AHDC1: variants seen among roughly 807,000 people sequenced by gnomAD.
The protein encoded by AHDC1 is transcription factor Gibbin.
In AHDC1, 7 loss-of-function variants were observed where a neutral mutation model predicts 87.9. The ratio of observed to expected loss-of-function variants is 0.08; its 90% confidence interval spans 0.05 to 0.15. The LOEUF (loss-of-function observed/expected upper bound fraction) is 0.15, where lower values mean the gene tolerates loss of function less well. Ranked by LOEUF, AHDC1 falls within the 10% of genes least tolerant of loss-of-function variation. The pLI, the probability that AHDC1 is intolerant of heterozygous loss-of-function variation, is 1.00. For synonymous variants in AHDC1, 1,051 were observed against 1,006.8 expected (o/e 1.04, Z -0.83); for missense variants, 1,841 against 2,253.2 (o/e 0.82, Z 3.70).
rs571016988 is a variant in AHDC1, at chr1:27,550,120, G to A, written c.1996C>T (p.Arg666Trp). The A allele has an allele frequency of 2.5e-6, 4 of 1,610,372 alleles. No individual in the cohort carries two copies. The highest frequency in any genetic ancestry group is 2.2e-5 in the East Asian group (1 of 44,878). Residue 666 changes from arginine to tryptophan, a missense_variant, in exon 8 of 9, where the codon CGG becomes TGG. Physicochemically the swap from Arg to Trp is moderately radical, Grantham distance 101 (BLOSUM62 -3). Coordinates refer to ENST00000673934, the MANE Select transcript of AHDC1 (RefSeq NM_001371928.1). Reference protein sequence around the residue: ...SHFLHRVQGFRRRGGKAGGFG... With the variant: ...SHFLHRVQGFWRRGGKAGGFG... ...CCGCCTGCTTTGCCCCCACGCCGCC[G>A]GAAGCCCTGCACACGATGCAGGAAG...
chr1:27,579,306 C>T (rs1441292143), intron 3 of AHDC1, among the ~76,000 whole-genome samples: 2 of 152,118 alleles, frequency 1.3e-5, no homozygotes, highest in Non-Finnish European at 2.9e-5. Context: ...TTCTCTGGAT[C>T]CGTATCTGTG....
intron 3 of AHDC1, among the ~76,000 whole-genome samples, chr1:27,579,960 C>G (rs1040719567): frequency 7.9e-5 from 12 of 152,336 alleles, no homozygotes; most frequent in African/African-American, 2.9e-4. Context: ...CCGCCAGGAT[C>G]TAAAACCAGA....
In AHDC1 at chr1:27,552,141, CG is replaced by C; in HGVS notation, c.-27del. 7.0e-7 allele frequency: 1 copy of C among 1,434,696 alleles called. No homozygotes were observed. Among genetic ancestry groups the C allele is most frequent in the Non-Finnish European group, 9.1e-7 (1 of 1,095,416 alleles). The allele number at this position is 1,434,696 out of a possible 1,614,324, so 88.9% of individuals were successfully genotyped here. On this transcript the variant is annotated 5_prime_UTR_variant, in exon 8 of 9. Transcript: ENST00000673934. ...CCTGACCTTGTCCTCCGCAGGCCGCCGGGCGGGGCCGGGGCTGACATGAGGG... is the reference window on the plus strand; with the variant it reads ...CCTGACCTTGTCCTCCGCAGGCCGCCGGCGGGGCCGGGGCTGACATGAGGG...
In AHDC1 at chr1:27,595,971, G is replaced by A. The variant is rs1460616444; in HGVS notation, c.-629+7426C>T. Among the ~76,000 whole-genome samples, 1 of 151,946 alleles carries A rather than the reference G, an allele frequency of 6.6e-6. No individual in the cohort carries two copies. The highest frequency in any genetic ancestry group is 6.6e-5 in the Admixed American group (1 of 15,260). ...TGTTTTAGAGGTGTTAGAGCTGTGA[G>A]TGTGTATGTGGGGCAGTTGTCTATT... On this transcript the variant is annotated intron_variant, in intron 3 of 8. Transcript: ENST00000673934. This position sits in a 1 kb window ranked among gnomAD's most constrained non-coding sequence, Gnocchi z 4.0.
chr1:27,601,151 G>A (rs553338655), intron 3 of AHDC1, among the ~76,000 whole-genome samples: 29 of 152,334 alleles, frequency 1.9e-4, no homozygotes, highest in Non-Finnish European at 3.5e-4. Context: ...AACTCACAGA[G>A]GGCAACTTAA....
chr1:27,601,657 A>G (rs957547059), intron 3 of AHDC1, among the ~76,000 whole-genome samples: 4 of 152,260 alleles, frequency 2.6e-5, no homozygotes, highest in African/African-American at 4.8e-5. Flanking sequence ...GGGAGATGGC[A>G]AGCAGCATGC....
intron 3 of AHDC1, among the ~76,000 whole-genome samples, chr1:27,575,916 G>T (rs2088724382): frequency 6.6e-6 from 1 of 151,660 alleles, no homozygotes; most frequent in Non-Finnish European, 1.5e-5. Context: ...GTCACGTGGC[G>T]GGGGGAGGGG....
chr1:27,604,017 G>A (rs1313878151), intron 1 of AHDC1, 89 bp downstream of exon 1: 1 of 149,036 alleles, frequency 6.7e-6, no homozygotes, highest in Non-Finnish European at 1.5e-5. Context: ...CCTGGCGGGT[G>A]GCTCGCTCTG....
In AHDC1 at chr1:27,598,377, G is replaced by A. The variant is rs1177780190; in HGVS notation, c.-629+5020C>T. 1.3e-5 allele frequency among the ~76,000 whole-genome samples: 2 copies of A among 152,214 alleles called. No homozygotes were observed. The highest frequency in any genetic ancestry group is 4.8e-5 in the African/African-American group (2 of 41,460). Reference sequence around the variant, plus strand: ...CACTTCACCATTGCCCCCGGAGCCAGGCCCTGCAGGAGAGGGATCCTTGAT... The same window carrying A: ...CACTTCACCATTGCCCCCGGAGCCAAGCCCTGCAGGAGAGGGATCCTTGAT... On this transcript the variant is annotated intron_variant, in intron 3 of 8. Coordinates refer to ENST00000673934, the MANE Select transcript of AHDC1 (RefSeq NM_001371928.1). The surrounding 1 kb of genome is among the most constrained non-coding windows in gnomAD (Gnocchi z 4.2).
At chr1:27,537,098 G>C (rs1475778430) in intron 8 of AHDC1, among the ~76,000 whole-genome samples, 1 of 152,188 alleles carries the variant, frequency 6.6e-6, no homozygotes, top group Non-Finnish European at 1.5e-5. Flanking sequence ...TCTTCGGGAT[G>C]GGAAGGAGCG....
intron 3 of AHDC1, among the ~76,000 whole-genome samples, chr1:27,571,333 A>G (rs754776899): frequency 3.9e-5 from 6 of 152,202 alleles, no homozygotes; most frequent in Non-Finnish European, 8.8e-5. Flanking sequence ...CAACAGGAGA[A>G]ATACAACCCT....
intron 3 of AHDC1, among the ~76,000 whole-genome samples, chr1:27,559,717 A>G (rs1157725256): frequency 6.6e-6 from 1 of 152,170 alleles, no homozygotes; most frequent in Non-Finnish European, 1.5e-5. Flanking sequence ...ACCCATTTCC[A>G]TCAGTAACTA....
rs1160011215 is a variant in AHDC1, at chr1:27,590,202, G to A, written c.-629+13195C>T. 6.6e-6 allele frequency among the ~76,000 whole-genome samples: 1 copy of A among 152,192 alleles called. No homozygotes were observed. The highest frequency in any genetic ancestry group is 1.5e-5 in the Non-Finnish European group (1 of 68,016). ...AGATTCCTGGTGAGCAGGCTGCGGG[G>A]TTTGGCAGCGCGCCTGCTGGAGACC... On this transcript the variant is annotated intron_variant, in intron 3 of 8. Transcript: ENST00000673934. The surrounding 1 kb of genome is among the most constrained non-coding windows in gnomAD (Gnocchi z 5.4).
chr1:27,539,933 T>C (rs1413341429), intron 8 of AHDC1, among the ~76,000 whole-genome samples: 1 of 152,054 alleles, frequency 6.6e-6, no homozygotes, highest in Non-Finnish European at 1.5e-5. Flanking sequence ...TCCTTACCTG[T>C]CCTGGGAGGA....
In AHDC1 at chr1:27,565,566, G is replaced by A. The variant is rs1259652474; in HGVS notation, c.-628-6683C>T. On this transcript the variant is annotated intron_variant, in intron 3 of 8. Transcript: ENST00000673934. The surrounding 1 kb of genome is among the most constrained non-coding windows in gnomAD (Gnocchi z 4.6). ...AACATTCTGTCTGGTGTCCCCCGGC[G>A]CTGGTGAGCAAGGGGCGGGAGTCAC... 2.6e-5 allele frequency among the ~76,000 whole-genome samples: 4 copies of A among 152,172 alleles called. No homozygotes were observed. The highest frequency in any genetic ancestry group is 4.4e-5 in the Non-Finnish European group (3 of 68,030).
At chr1:27,582,724 G>A (rs1571320106) in intron 3 of AHDC1, among the ~76,000 whole-genome samples, 1 of 152,328 alleles carries the variant, frequency 6.6e-6, no homozygotes, top group East Asian at 1.9e-4. Flanking sequence ...GGCAGGCACT[G>A]TGCTAAGCAC....
At chr1:27,577,624 C>T (rs1162456943) in intron 3 of AHDC1, among the ~76,000 whole-genome samples, 1 of 152,130 alleles carries the variant, frequency 6.6e-6, no homozygotes, top group Non-Finnish European at 1.5e-5. Flanking sequence ...GACTGGCAGG[C>T]CCCCCACTCC....
chr1:27,549,451 G>C lies in AHDC1; in HGVS notation c.2665C>G (p.Pro889Ala), dbSNP rs1430641825. The change falls in exon 8 of 9, where the codon CCT (proline) becomes GCT (alanine). Residue 889 changes from proline (P) to alanine (A), a missense_variant. Physicochemically the swap from Pro to Ala is conservative, Grantham distance 27 (BLOSUM62 -1). Coordinates refer to ENST00000673934, the MANE Select transcript of AHDC1 (RefSeq NM_001371928.1). ...LPAQRGLATFPSRGAKASPVA... is the reference protein window; with the variant it reads ...LPAQRGLATFASRGAKASPVA... Reference sequence around the variant, plus strand: ...GGGCTGGCCTTGGCTCCCCGGCTAGGGAAGGTGGCCAGGCCCCGCTGGGCA... The same window carrying C: ...GGGCTGGCCTTGGCTCCCCGGCTAGCGAAGGTGGCCAGGCCCCGCTGGGCA... 14 of 1,612,932 alleles carry C rather than the reference G, an allele frequency of 8.7e-6. No homozygotes were observed. Among genetic ancestry groups the C allele is most frequent in the Non-Finnish European group, 8.5e-6 (10 of 1,179,834 alleles).
chr1:27,571,345 C>T (rs1378041387), intron 3 of AHDC1, among the ~76,000 whole-genome samples: 1 of 152,164 alleles, frequency 6.6e-6, no homozygotes, highest in Admixed American at 6.5e-5. Flanking sequence ...TACAACCCTG[C>T]CCTGGGGAGT....
Sources: allele counts gnomAD v4.1 joint callset (sites outside exome capture counted in the v4.1 genomes callset), GRCh38; gene constraint gnomAD v4.1.1; non-coding constraint Gnocchi (gnomAD v3.1); transcripts MANE v1.5; gene names NCBI Gene and HGNC (gene_info 2026-07-23, HGNC 2026-07-21).